The following CRTC3 variants were observed in gnomAD, a reference collection of about 807,000 sequenced individuals.
CRTC3 encodes the protein CREB-regulated transcription coactivator 3.
A neutral mutation model predicts 74.5 loss-of-function variants in CRTC3; 26 were observed. The observed-to-expected ratio is 0.35, with a 90% CI of 0.26 to 0.48. CRTC3 has a LOEUF of 0.48. Ranked by LOEUF, CRTC3 falls within the 20% of genes least tolerant of loss-of-function variation. The probability of loss-of-function intolerance (pLI) is 0.99; values close to 1 mark genes in which losing one functional copy is unlikely to be tolerated. For missense variants in CRTC3, 760 were observed against 787.3 expected, an observed-to-expected ratio of 0.97 and a Z score of 0.41; for synonymous variants, 377 against 325.8, an observed-to-expected ratio of 1.16 and a Z score of -1.69.
chr15:90,623,878 T>G (rs1968735960), intron 9 of CRTC3, among the ~76,000 whole-genome samples: 1 of 152,160 alleles, frequency 6.6e-6, no homozygotes, highest in Non-Finnish European at 1.5e-5. Flanking sequence ...GCACACCATG[T>G]GGTCTCACAC....
chr15:90,627,457 TC>T (rs1968878344), intron 10 of CRTC3, among the ~76,000 whole-genome samples: 2 of 152,128 alleles, frequency 1.3e-5, no homozygotes, highest in African/African-American at 2.4e-5. Flanking sequence ...TAAAGCAGCA[TC>T]AGCACATAGC....
chr15:90,538,617 T>A (rs1966756398), intron 1 of CRTC3, among the ~76,000 whole-genome samples: 1 of 151,100 alleles, frequency 6.6e-6, no homozygotes, highest in Non-Finnish European at 1.5e-5. Flanking sequence ...TGTATATAAG[T>A]TGGTAATTTT....
chr15:90,638,840 C>T (rs774693740), intron 13 of CRTC3, 25 bp downstream of exon 13: 3 of 1,582,470 alleles, frequency 1.9e-6, no homozygotes, highest in African/African-American at 1.3e-5. Flanking sequence ...CTGCCTTCTC[C>T]TCCCTTGGTG....
At chr15:90,641,817 G>A in intron 14 of CRTC3, 115 bp from the exon 15 acceptor site, 1 of 788,876 alleles carries the variant, frequency 1.3e-6, no homozygotes, top group Non-Finnish European at 2.2e-6. Context: ...CCTGGGGGTG[G>A]TCAGGATGTG....
chr15:90,607,370 C>G lies in CRTC3; in HGVS notation c.477-8C>G. ...ATTTTCAGCCAGCCTCTCTCCTCCC[C>G]TCCTTAGGACCAATTCTGATTCTGC... On this transcript the variant is annotated splice_polypyrimidine_tract_variant and splice_region_variant and intron_variant, in intron 5 of 14. Coordinates refer to ENST00000268184, the MANE Select transcript of CRTC3 (RefSeq NM_022769.5). 6.3e-7 allele frequency: 1 copy of G among 1,585,994 alleles called. No individual in the cohort carries two copies. The highest frequency in any genetic ancestry group is 8.6e-7 in the Non-Finnish European group (1 of 1,159,218).
At chr15:90,567,460 G>A (rs1190889114) in intron 2 of CRTC3, among the ~76,000 whole-genome samples, 3 of 152,116 alleles carry the variant, frequency 2.0e-5, no homozygotes, top group East Asian at 1.9e-4. Context: ...GCCGAGGCAG[G>A]TGGATCACCT....
intron 2 of CRTC3, among the ~76,000 whole-genome samples, chr15:90,575,649 C>T (rs1734053048): frequency 2.0e-5 from 3 of 152,194 alleles, no homozygotes; most frequent in Admixed American, 2.0e-4. Context: ...TTTGAGACTT[C>T]CTATTCTCTT....
chr15:90,634,714 C>A, intron 11 of CRTC3: 2 of 718,528 alleles, frequency 2.8e-6, no homozygotes, highest in Non-Finnish European at 5.0e-6. Context: ...GAGACTGAGG[C>A]GAAGGGAGTC....
chr15:90,598,900 C>T (rs557342837), intron 3 of CRTC3: 23 of 187,132 alleles, frequency 1.2e-4, no homozygotes, highest in African/African-American at 4.2e-4. Context: ...TCTTAGGAAG[C>T]GCCTCCTAAA....
intron 2 of CRTC3, among the ~76,000 whole-genome samples, chr15:90,557,817 C>T (rs1301056163): frequency 1.3e-5 from 2 of 152,112 alleles, no homozygotes; most frequent in Non-Finnish European, 2.9e-5. Context: ...TGGCCTTGTG[C>T]CTCAGCTCTG....
At chr15:90,535,161 C>CAAAA (rs34328900) in intron 1 of CRTC3, among the ~76,000 whole-genome samples, 6 of 128,370 alleles carry the variant, frequency 4.7e-5, no homozygotes, top group Non-Finnish European at 9.7e-5. Flanking sequence ...AACTCCGTCT[C>CAAAA]AAAAAAAAAA....
intron 1 of CRTC3, among the ~76,000 whole-genome samples, chr15:90,534,794 G>A (rs1000127387): frequency 1.3e-5 from 2 of 152,196 alleles, no homozygotes; most frequent in African/African-American, 2.4e-5. Flanking sequence ...TCTTTGCAGT[G>A]ATCCCAGACT....
At chr15:90,623,695 C>G (rs1968729295) in intron 9 of CRTC3, among the ~76,000 whole-genome samples, 1 of 152,162 alleles carries the variant, frequency 6.6e-6, no homozygotes, top group Non-Finnish European at 1.5e-5. Context: ...AAGCTGATAC[C>G]TCTCCCCCAC....
intron 2 of CRTC3, among the ~76,000 whole-genome samples, chr15:90,542,741 T>A (rs1374174102): frequency 6.6e-6 from 1 of 152,234 alleles, no homozygotes; most frequent in Non-Finnish European, 1.5e-5. Flanking sequence ...TCCTTCAGTC[T>A]GGAACAGCTT....
At chr15:90,641,362 G>T (rs534373053) in intron 14 of CRTC3, 163 bp downstream of exon 14, 8 of 605,370 alleles carry the variant, frequency 1.3e-5, no homozygotes, top group Non-Finnish European at 2.4e-5. Context: ...CTCAGAGACC[G>T]TGACACAGGG....
intron 11 of CRTC3, 132 bp downstream of exon 11, chr15:90,629,664 C>G: frequency 1.3e-6 from 1 of 755,742 alleles, no homozygotes; most frequent in East Asian, 2.7e-5. Context: ...CAAGTGCAGT[C>G]TGTTCGCTCT....
At chr15:90,609,410 G>T (rs1218012409) in intron 6 of CRTC3, among the ~76,000 whole-genome samples, 1 of 152,184 alleles carries the variant, frequency 6.6e-6, no homozygotes, top group East Asian at 1.9e-4. Context: ...AAAAGCAGAG[G>T]CTGTAATCAG....
At chr15:90,609,502 T>G (rs113844775) in intron 6 of CRTC3, among the ~76,000 whole-genome samples, 3,344 of 152,234 alleles carry the variant, frequency 0.022, 130 homozygotes, top group African/African-American at 0.076. Context: ...ACCCTGGAGC[T>G]CCTGCATTTC....
chr15:90,628,360 C>T (rs1968916557), intron 10 of CRTC3, among the ~76,000 whole-genome samples: 1 of 152,190 alleles, frequency 6.6e-6, no homozygotes, highest in Admixed American at 6.5e-5. Context: ...ACCCCACCTG[C>T]TGGTACAAGA....
Sources: gnomAD v4.1 joint callset for allele counts (sites outside exome capture counted in the v4.1 genomes callset) on GRCh38, gnomAD v4.1.1 for gene constraint, MANE v1.5 for transcripts, NCBI Gene and HGNC (gene_info 2026-07-23, HGNC 2026-07-21) for gene names.